RFX4: variants seen among roughly 807,000 people sequenced by gnomAD.
RFX4 encodes the protein transcription factor RFX4.
In RFX4, 10 loss-of-function variants were observed where a neutral mutation model predicts 95.0. The observed-to-expected ratio is 0.11, with a 90% CI of 0.06 to 0.18. The LOEUF (loss-of-function observed/expected upper bound fraction) is 0.18. Ranked by LOEUF, RFX4 falls within the 10% of genes least tolerant of loss-of-function variation. The pLI is 1.00. For missense variants in RFX4, 640 were observed against 922.0 expected, an observed-to-expected ratio of 0.69 and a Z score of 3.96; for synonymous variants, 321 against 340.7, an observed-to-expected ratio of 0.94 and a Z score of 0.64.
At chr12:106,606,521 C>T (rs75165352) in intron 1 of RFX4, among the ~76,000 whole-genome samples, 1,668 of 152,262 alleles carry the variant, frequency 0.011, 6 homozygotes, top group Non-Finnish European at 0.016. Context: ...ACCAGATGTG[C>T]GTTTGGATAC....
At chr12:106,644,973 G>A (rs917497268) in intron 3 of RFX4, among the ~76,000 whole-genome samples, 1 of 152,096 alleles carries the variant, frequency 6.6e-6, no homozygotes, top group Non-Finnish European at 1.5e-5. Flanking sequence ...CATTTGGCTT[G>A]TTATTGGAAT....
chr12:106,700,475 C>T (rs1250877627), intron 8 of RFX4, among the ~76,000 whole-genome samples: 1 of 141,870 alleles, frequency 7.0e-6, no homozygotes, highest in African/African-American at 2.7e-5. Flanking sequence ...GGCGCGATCT[C>T]GGCTCACTGC....
intron 4 of RFX4, among the ~76,000 whole-genome samples, chr12:106,679,188 T>G (rs1366745063): frequency 6.6e-6 from 1 of 152,226 alleles, no homozygotes; most frequent in Non-Finnish European, 1.5e-5. Context: ...CCAAGTGCAG[T>G]GGCTCACACC....
intron 1 of RFX4, among the ~76,000 whole-genome samples, chr12:106,587,548 A>G (rs1313919517): frequency 6.6e-6 from 1 of 152,132 alleles, no homozygotes; most frequent in Non-Finnish European, 1.5e-5. Context: ...CGAGGTCTCT[A>G]ATTTCTCTCC....
chr12:106,761,709 A>C lies in RFX4; in HGVS notation c.*240A>C, dbSNP rs867938188. 4.7e-5 allele frequency: 9 copies of C among 192,396 alleles called. No individual in the cohort carries two copies. The highest frequency in any genetic ancestry group is 4.4e-3 in the Middle Eastern group (2 of 456). The allele number at this position is 192,396 out of a possible 1,614,324, so 11.9% of individuals were successfully genotyped here. On this transcript the variant is annotated 3_prime_UTR_variant, in exon 18 of 18. Transcript: ENST00000392842. ...GGTTTCTGTAGCCAAGCCAGACTTGACTGTTTCTGTAGAGCACTATCTCGG... is the reference window on the plus strand; with the variant it reads ...GGTTTCTGTAGCCAAGCCAGACTTGCCTGTTTCTGTAGAGCACTATCTCGG...
intron 13 of RFX4, among the ~76,000 whole-genome samples, chr12:106,723,704 T>G (rs899589149): frequency 4.6e-5 from 7 of 152,202 alleles, no homozygotes; most frequent in Admixed American, 3.3e-4. Flanking sequence ...TCCCAACTGC[T>G]TCTCTATGCT....
intron 1 of RFX4, among the ~76,000 whole-genome samples, chr12:106,588,445 A>G (rs1453299700): frequency 6.6e-6 from 1 of 152,172 alleles, no homozygotes; most frequent in East Asian, 1.9e-4. Context: ...ACATTGGCCA[A>G]TGTACTAAAA....
rs144713941 is a variant in RFX4, at chr12:106,720,827, C to T, written c.1302C>T (p.Phe434=). Residue 434 remains phenylalanine, a synonymous_variant, in exon 13 of 18, where the codon TTC becomes TTT. Transcript: ENST00000392842. The surrounding 1 kb of genome is among the most constrained non-coding windows in gnomAD (Gnocchi z 4.2). ...AGTTCCTCTTGATGTGGTCCTGTTT[C>T]GGCACAAGGGTGATCCGGGACATGA... The part of the protein sequence containing the change: ...AQQFLLMWSC[F]GTRVIRDMTL... 1.8e-4 allele frequency: 298 copies of T among 1,613,378 alleles called. No homozygotes were observed. The highest frequency in any genetic ancestry group is 7.2e-4 in the Middle Eastern group (4 of 5,584).
chr12:106,756,250 G>T (rs1167255970), intron 17 of RFX4, among the ~76,000 whole-genome samples: 1 of 152,132 alleles, frequency 6.6e-6, no homozygotes. Context: ...CCAACCAAAA[G>T]GAGAAAATAA....
chr12:106,583,378 C>G lies in RFX4; in HGVS notation c.43+15C>G, dbSNP rs756743639. Reference sequence around the variant, plus strand: ...GGATTCCACAGGTTAGTCCTACTGGCGGGGTTGGGGGGATACATTGGGAGG... The same window carrying G: ...GGATTCCACAGGTTAGTCCTACTGGGGGGGTTGGGGGGATACATTGGGAGG... On this transcript the variant is annotated intron_variant, in intron 1 of 17. Transcript: ENST00000392842. 2 of 1,564,570 alleles carry G rather than the reference C, an allele frequency of 1.3e-6. No homozygotes were observed. Among genetic ancestry groups the G allele is most frequent in the Admixed American group, 2.0e-5 (1 of 50,016 alleles).
chr12:106,727,806 A>G (rs913814827), intron 13 of RFX4, among the ~76,000 whole-genome samples: 4 of 152,106 alleles, frequency 2.6e-5, no homozygotes, highest in Admixed American at 6.5e-5. Context: ...TCTTTAGTAG[A>G]GACGGAGTTT....
chr12:106,750,853 T>C, intron 17 of RFX4, 60 bp downstream of exon 17: 2 of 1,445,282 alleles, frequency 1.4e-6, no homozygotes, highest in Non-Finnish European at 9.1e-7. Context: ...CAAATCTGGT[T>C]AACACAGTTC....
chr12:106,615,887 C>T (rs1324130166), intron 2 of RFX4, among the ~76,000 whole-genome samples: 1 of 152,182 alleles, frequency 6.6e-6, no homozygotes, highest in African/African-American at 2.4e-5. Context: ...ATTCTATGAA[C>T]ATCATCATGT....
chr12:106,606,270 G>A (rs1265249025), intron 1 of RFX4, among the ~76,000 whole-genome samples: 1 of 152,150 alleles, frequency 6.6e-6, no homozygotes, highest in Non-Finnish European at 1.5e-5. Flanking sequence ...GTAGATGTGA[G>A]TGTGTGTGTG....
At chr12:106,631,760 G>A (rs2040420086) in intron 2 of RFX4, among the ~76,000 whole-genome samples, 1 of 152,192 alleles carries the variant, frequency 6.6e-6, no homozygotes, top group South Asian at 2.1e-4. Context: ...TTTTGTTACA[G>A]CAGCCTGAAT....
chr12:106,721,606 T>C (rs764688699), intron 13 of RFX4, among the ~76,000 whole-genome samples: 5 of 152,244 alleles, frequency 3.3e-5, no homozygotes, highest in African/African-American at 7.2e-5. Flanking sequence ...CAGGTCATCA[T>C]TGGCAAACTG....
At position 106,717,000 on chromosome 12, in the gene RFX4, C is replaced by CAAA. The variant is rs71311249; in HGVS notation, c.1138+1476_1138+1478dup. On this transcript the variant is annotated intron_variant, in intron 11 of 17. Transcript: ENST00000392842. Reference sequence around the variant, plus strand: ...ATATTGTATTCATGTGCACAGGAGACAAAAAAAAAAAAAAAAAAAAAAGGA... The same window carrying CAAA: ...ATATTGTATTCATGTGCACAGGAGACAAAAAAAAAAAAAAAAAAAAAAAAAGGA... Among the ~76,000 whole-genome samples the CAAA allele has an allele frequency of 1.2e-3, 71 of 60,356 alleles. 1 individual carries two copies. Among genetic ancestry groups the CAAA allele is most frequent in the African/African-American group, 2.7e-3 (46 of 17,148 alleles). The allele number at this position is 60,356 out of a possible 152,430, so 39.6% of individuals were successfully genotyped here.
rs568960149 is a variant in RFX4, at chr12:106,608,655, G to A, written c.44-142G>A. ...TCCATGCAAAATCCCATTCCAATCT[G>A]GGCAGATGCCACATGAATATTGATG... On this transcript the variant is annotated intron_variant, in intron 1 of 17. Transcript: ENST00000392842. The A allele has an allele frequency of 5.8e-5, 45 of 779,236 alleles. No individual in the cohort carries two copies. In the Admixed American group the frequency reaches 8.4e-4, roughly 15 times the overall value. The allele number at this position is 779,236 out of a possible 1,614,324, so 48.3% of individuals were successfully genotyped here. A position where few individuals can be genotyped will look rare whatever the true frequency, so the allele number is the denominator to read the frequency against.
At chr12:106,646,513 G>A (rs1249829170) in intron 3 of RFX4, among the ~76,000 whole-genome samples, 1 of 144,120 alleles carries the variant, frequency 6.9e-6, no homozygotes, top group African/African-American at 2.6e-5. Context: ...AGCTACCTAA[G>A]CCCAGGCCTT....
Sources: allele counts gnomAD v4.1 joint callset (sites outside exome capture counted in the v4.1 genomes callset), GRCh38; gene constraint gnomAD v4.1.1; non-coding constraint Gnocchi (gnomAD v3.1); transcripts MANE v1.5; gene names NCBI Gene and HGNC (gene_info 2026-07-23, HGNC 2026-07-21).